SCAPER: variants seen among roughly 807,000 people sequenced by gnomAD.
SCAPER encodes S phase cyclin A-associated protein in the endoplasmic reticulum.
Under a neutral mutation model 182.2 loss-of-function variants are expected in SCAPER, and 98 were observed. The observed-to-expected ratio is 0.54, with a 90% CI of 0.46 to 0.64. The LOEUF (loss-of-function observed/expected upper bound fraction) is 0.64, where lower values mean the gene tolerates loss of function less well. SCAPER is among the 30% of genes least tolerant of loss of function. The pLI is 0.00. For missense variants in SCAPER, 1,432 were observed against 1,690.0 expected (o/e 0.85, Z 2.68); for synonymous variants, 605 against 564.6 (o/e 1.07, Z -1.01).
At chr15:76,468,656 C>T (rs2049881595) in intron 25 of SCAPER, among the ~76,000 whole-genome samples, 1 of 152,140 alleles carries the variant, frequency 6.6e-6, no homozygotes. Context: ...GGGAGGATCA[C>T]TGAATATCTT....
chr15:76,433,389 TC>T (rs1442644003), intron 26 of SCAPER, among the ~76,000 whole-genome samples: 4 of 152,120 alleles, frequency 2.6e-5, no homozygotes, highest in African/African-American at 9.7e-5. Context: ...GTGCCTGTAA[TC>T]CCAGCTACTT....
At chr15:76,807,550 T>C (rs2066264887) in intron 5 of SCAPER, among the ~76,000 whole-genome samples, 2 of 152,208 alleles carry the variant, frequency 1.3e-5, no homozygotes, top group South Asian at 4.1e-4. Flanking sequence ...TTTTTTATTA[T>C]ACTTTAAGTT....
chr15:76,713,156 T>C lies in SCAPER; in HGVS notation c.2166-7172A>G, dbSNP rs568318838. ...AGGTGCTGGAGAGGATGTGGAGAAA[T>C]AGGAACACTTTTACACTGTTGGTGG... On this transcript the variant is annotated intron_variant, in intron 17 of 31. Transcript: ENST00000563290. 1.1e-3 allele frequency among the ~76,000 whole-genome samples: 167 copies of C among 152,180 alleles called. 4 individuals carry two copies. The highest frequency in any genetic ancestry group is 3.8e-3 in the African/African-American group (159 of 41,526).
At chr15:76,778,641 G>A (rs2063894214) in intron 8 of SCAPER, among the ~76,000 whole-genome samples, 2 of 144,310 alleles carry the variant, frequency 1.4e-5, no homozygotes, top group Non-Finnish European at 3.0e-5. Context: ...AAGTGTGAGT[G>A]TATGTGTGTG....
chr15:76,532,962 T>C (rs2043807155), intron 23 of SCAPER, among the ~76,000 whole-genome samples: 1 of 152,220 alleles, frequency 6.6e-6, no homozygotes, highest in African/African-American at 2.4e-5. Context: ...GAACACTGCT[T>C]TGCACTAGTG....
At chr15:76,854,088 G>A (rs932128745) in intron 4 of SCAPER, among the ~76,000 whole-genome samples, 2 of 152,070 alleles carry the variant, frequency 1.3e-5, no homozygotes, top group African/African-American at 2.4e-5. Flanking sequence ...GGCCAACAAG[G>A]TGAAACCTTG....
At chr15:76,489,797 A>C (rs931257462) in intron 24 of SCAPER, among the ~76,000 whole-genome samples, 2 of 151,924 alleles carry the variant, frequency 1.3e-5, no homozygotes, top group Admixed American at 1.3e-4. Context: ...GCAACTCCCT[A>C]TTTTCCCCTC....
chr15:76,472,447 T>G, intron 24 of SCAPER: 1 of 537,012 alleles, frequency 1.9e-6, no homozygotes, highest in Non-Finnish European at 3.4e-6. Flanking sequence ...TTTATAAAAA[T>G]GCAAAATTTG....
chr15:76,758,254 T>C (rs1297591806), intron 14 of SCAPER, among the ~76,000 whole-genome samples: 1 of 152,190 alleles, frequency 6.6e-6, no homozygotes, highest in Non-Finnish European at 1.5e-5. Context: ...TTTGAGTTGA[T>C]TTTTATGCAT....
intron 10 of SCAPER, among the ~76,000 whole-genome samples, chr15:76,769,403 A>C (rs181087798): frequency 5.3e-4 from 76 of 144,266 alleles, no homozygotes; most frequent in African/African-American, 1.9e-3. Context: ...AGACTGCACT[A>C]CTGCACTCTG....
intron 21 of SCAPER, among the ~76,000 whole-genome samples, chr15:76,631,219 C>T (rs2053078648): frequency 1.3e-5 from 2 of 152,186 alleles, no homozygotes; most frequent in Non-Finnish European, 2.9e-5. Context: ...ATGCAGCACA[C>T]TGATGGATCT....
chr15:76,802,529 T>C (rs769427618), intron 6 of SCAPER, among the ~76,000 whole-genome samples: 3 of 152,192 alleles, frequency 2.0e-5, no homozygotes, highest in Non-Finnish European at 2.9e-5. Context: ...GTGGATGAAG[T>C]AGGCACTGAA....
intron 27 of SCAPER, among the ~76,000 whole-genome samples, chr15:76,382,860 A>G (rs894242104): frequency 3.3e-5 from 5 of 152,106 alleles, no homozygotes; most frequent in Admixed American, 2.6e-4. Flanking sequence ...AGCCACTTGT[A>G]ATCACTGCAC....
chr15:76,848,332 T>TG (rs1412463269), intron 4 of SCAPER, among the ~76,000 whole-genome samples: 5 of 144,012 alleles, frequency 3.5e-5, no homozygotes, highest in Admixed American at 2.8e-4. Flanking sequence ...GGTTTTTTTT[T>TG]TTTTTTTTTT....
chr15:76,737,787 C>A (rs892005904), intron 15 of SCAPER, among the ~76,000 whole-genome samples: 3 of 152,216 alleles, frequency 2.0e-5, no homozygotes, highest in African/African-American at 7.2e-5. Flanking sequence ...TATTGCCTTA[C>A]CTTGCACTTT....
intron 20 of SCAPER, among the ~76,000 whole-genome samples, chr15:76,696,296 T>C (rs1234265876): frequency 6.6e-6 from 1 of 152,190 alleles, no homozygotes; most frequent in Non-Finnish European, 1.5e-5. Context: ...TTAAAATTTC[T>C]TTATTTTCCT....
chr15:76,724,599 A>G (rs2150992333), intron 17 of SCAPER, among the ~76,000 whole-genome samples: 1 of 152,202 alleles, frequency 6.6e-6, no homozygotes, highest in East Asian at 1.9e-4. Flanking sequence ...ACATAGTCCC[A>G]TATTTCTTGG....
chr15:76,854,803 CAAAA>C (rs35484908), intron 4 of SCAPER, among the ~76,000 whole-genome samples: 1 of 118,376 alleles, frequency 8.4e-6, no homozygotes, highest in Non-Finnish European at 1.7e-5. Flanking sequence ...ACTAAAAATA[CAAAA>C]AAAAAAAAAA....
chr15:76,376,467 T>C (rs2042578432), intron 28 of SCAPER, among the ~76,000 whole-genome samples, 156 bp from the exon 29 acceptor site: 2 of 152,236 alleles, frequency 1.3e-5, no homozygotes. Flanking sequence ...TTAGGGGTTC[T>C]TGTTCTAATA....
Sources: allele counts gnomAD v4.1 joint callset (sites outside exome capture counted in the v4.1 genomes callset), GRCh38; gene constraint gnomAD v4.1.1; transcripts MANE v1.5; gene names NCBI Gene and HGNC (gene_info 2026-07-23, HGNC 2026-07-21).